Variants in MYH7B observed in about 807,000 individuals in gnomAD.
The protein encoded by MYH7B is myosin-7B.
Under a neutral mutation model 234.5 loss-of-function variants are expected in MYH7B, and 205 were observed. That is an observed-to-expected ratio of 0.87 (90% CI 0.78 to 0.98). MYH7B has a LOEUF of 0.98. Among genes scored for constraint, MYH7B ranks in the 50% least tolerant of loss-of-function variants. MYH7B has a pLI of 0.00. For missense variants in MYH7B, 2,652 were observed against 2,633.4 expected, an observed-to-expected ratio of 1.01 and a Z score of -0.15; for synonymous variants, 1,193 against 1,105.0, an observed-to-expected ratio of 1.08 and a Z score of -1.58.
chr20:35,002,320 C>T, exon 45 of MYH7B: 1 of 1,000,374 alleles, frequency 1.0e-6, no homozygotes, highest in Non-Finnish European at 1.4e-6. Context: ...GAATAAACAC[C>T]ACAGCCAGTT....
chr20:34,999,931 C>G, intron 38 of MYH7B, 25 bp downstream of exon 38: 1 of 1,596,504 alleles, frequency 6.3e-7, no homozygotes, highest in Non-Finnish European at 8.6e-7. Flanking sequence ...CTCCCGTCCC[C>G]ACCTCCCGAG....
At chr20:34,979,745 CTGAACGAGGCCTCTG>C in exon 7 of MYH7B, 1 of 1,614,222 alleles carries the variant, frequency 6.2e-7, no homozygotes, top group Non-Finnish European at 8.5e-7. Context: ...GATGACGCAC[CTGAACGAGGCCTCTG>C]TGCTGCACAA....
chr20:34,996,303 T>C (rs1412073652), intron 28 of MYH7B, 43 bp from the exon 29 acceptor site: 3 of 1,545,052 alleles, frequency 1.9e-6, no homozygotes, highest in Non-Finnish European at 2.6e-6. Context: ...CCGCTCAGAG[T>C]GCGGGGAAGG....
intron 2 of MYH7B, among the ~76,000 whole-genome samples, chr20:34,966,088 G>A (rs1459156217): frequency 2.0e-5 from 3 of 152,068 alleles, no homozygotes; most frequent in African/African-American, 4.8e-5. Context: ...CGGGGGGTGG[G>A]GAGAATTCTT....
chr20:34,999,143 G>A (rs777707729), exon 36 of MYH7B: 2 of 1,613,746 alleles, frequency 1.2e-6, no homozygotes, highest in South Asian at 2.2e-5. Context: ...AGGCCAAGCT[G>A]CGGCTACAGA....
chr20:34,984,687 C>G lies in MYH7B; in HGVS notation c.625-5C>G. 6.2e-7 allele frequency: 1 copy of G among 1,604,506 alleles called. No homozygotes were observed. The highest frequency in any genetic ancestry group is 1.1e-5 in the South Asian group (1 of 89,780). On this transcript the variant is annotated splice_polypyrimidine_tract_variant and splice_region_variant and intron_variant, in intron 10 of 44. Transcript: ENST00000262873. Reference sequence around the variant, plus strand: ...CCTCTAATGTTGTCTGTCTTCTTCCCCCAGCAATTTCTGGCAACAAAGACG... The same window carrying G: ...CCTCTAATGTTGTCTGTCTTCTTCCGCCAGCAATTTCTGGCAACAAAGACG...
At chr20:34,990,495 G>C (rs756068974) in intron 22 of MYH7B, 185 bp downstream of exon 22, 1 of 893,866 alleles carries the variant, frequency 1.1e-6, no homozygotes, top group Non-Finnish European at 1.9e-6. Flanking sequence ...GCCTGGGCAG[G>C]GTTTGTGGGG....
At chr20:34,985,034 C>A in intron 12 of MYH7B, 32 bp from the exon 13 acceptor site, 1 of 1,613,878 alleles carries the variant, frequency 6.2e-7, no homozygotes, top group South Asian at 1.1e-5. Flanking sequence ...CTGGCTGTGC[C>A]CCTTGGCTGA....
exon 18 of MYH7B, chr20:34,987,769 T>G: frequency 1.9e-6 from 3 of 1,614,100 alleles, no homozygotes; most frequent in Non-Finnish European, 2.5e-6. Flanking sequence ...CTCCAGGTGG[T>G]GTTTGCTGTG....
chr20:34,992,581 GAC>G (rs2082176391), intron 24 of MYH7B, among the ~76,000 whole-genome samples: 1 of 105,322 alleles, frequency 9.5e-6, no homozygotes, highest in Admixed American at 1.2e-4. Context: ...TTTTTTTTGA[GAC>G]GGAGTCTTGC....
chr20:34,957,165 A>G (rs2081646259), intron 1 of MYH7B, among the ~76,000 whole-genome samples: 1 of 152,238 alleles, frequency 6.6e-6, no homozygotes, highest in African/African-American at 2.4e-5. Flanking sequence ...GAGGGTTGCA[A>G]CAGGACTTAG....
chr20:34,980,464 G>A (rs2081924721), intron 7 of MYH7B, 114 bp from the exon 8 acceptor site: 1 of 913,752 alleles, frequency 1.1e-6, no homozygotes, highest in Non-Finnish European at 1.7e-6. Context: ...GCAGGACCCA[G>A]GAGGCGGAGG....
At chr20:34,987,522 T>C in intron 16 of MYH7B, 35 bp from the exon 17 acceptor site, 5 of 1,522,958 alleles carry the variant, frequency 3.3e-6, no homozygotes, top group Non-Finnish European at 4.4e-6. Flanking sequence ...CGCATGGTGG[T>C]GTCCTCCTCC....
intron 14 of MYH7B, among the ~76,000 whole-genome samples, chr20:34,986,444 G>A (rs545250304): frequency 2.0e-5 from 3 of 152,220 alleles, no homozygotes; most frequent in Non-Finnish European, 2.9e-5. Flanking sequence ...TTGCTGTCCT[G>A]AGACTAGAGA....
At chr20:34,993,553 T>G in intron 26 of MYH7B, 83 bp downstream of exon 26, 1 of 1,395,692 alleles carries the variant, frequency 7.2e-7, no homozygotes. Context: ...AACCCTAACA[T>G]GCTGCCCTGT....
At chr20:34,960,348 ACCTC>A (rs2081682776) in intron 2 of MYH7B, among the ~76,000 whole-genome samples, 1 of 151,582 alleles carries the variant, frequency 6.6e-6, no homozygotes, top group Admixed American at 6.6e-5. Flanking sequence ...CCATTCTCCT[ACCTC>A]AGCCTCCCGA....
At chr20:34,968,806 G>A (rs1422203856) in intron 2 of MYH7B, among the ~76,000 whole-genome samples, 6 of 152,214 alleles carry the variant, frequency 3.9e-5, no homozygotes, top group Non-Finnish European at 8.8e-5. Context: ...AGTATGCACA[G>A]CGCACGTAGC....
At chr20:34,988,744 C>A (rs980348545) in intron 19 of MYH7B, among the ~76,000 whole-genome samples, 1 of 151,832 alleles carries the variant, frequency 6.6e-6, no homozygotes, top group African/African-American at 2.4e-5. Flanking sequence ...AAATGTTTCT[C>A]CCCATTCCTA....
At chr20:34,973,725 C>T (rs1156862323) in intron 2 of MYH7B, among the ~76,000 whole-genome samples, 1 of 152,204 alleles carries the variant, frequency 6.6e-6, no homozygotes, top group East Asian at 1.9e-4. Context: ...GTCACATCAG[C>T]TCCCTCTGCT....
Sources: gnomAD v4.1 joint callset for allele counts (sites outside exome capture counted in the v4.1 genomes callset) on GRCh38, gnomAD v4.1.1 for gene constraint, MANE v1.5 for transcripts, NCBI Gene and HGNC (gene_info 2026-07-23, HGNC 2026-07-21) for gene names.